The following ASB4 variants were observed in gnomAD, a reference collection of about 807,000 sequenced individuals.
ASB4 encodes the protein ankyrin repeat and SOCS box protein 4.
In ASB4, 35 loss-of-function variants were observed where a neutral mutation model predicts 38.6. The observed-to-expected ratio is 0.91, with a 90% CI of 0.69 to 1.20. The LOEUF (loss-of-function observed/expected upper bound fraction) is 1.20. ASB4 is among the 50% of genes most tolerant of loss of function. ASB4 has a pLI of 0.00. For synonymous variants in ASB4, 195 were observed against 201.3 expected, an observed-to-expected ratio of 0.97 and a Z score of 0.26; for missense variants, 557 against 527.2, an observed-to-expected ratio of 1.06 and a Z score of -0.55.
intron 2 of ASB4, among the ~76,000 whole-genome samples, chr7:95,515,301 C>CTTTCTTTA (rs1790560817): frequency 1.6e-5 from 2 of 122,262 alleles, no homozygotes; most frequent in African/African-American, 6.0e-5. Context: ...TTCTTTCTTT[C>CTTTCTTTA]TTTCTTTCTT....
At position 95,538,657 on chromosome 7, in the gene ASB4, A is replaced by T. The variant is rs1254536795; in HGVS notation, c.*898A>T. On this transcript the variant is annotated 3_prime_UTR_variant, in exon 5 of 5. Coordinates refer to ENST00000325885, the MANE Select transcript of ASB4 (RefSeq NM_016116.3). ...CTCCTGCTCTTGTTAGGGTATTTTTAAGGTTTTTTCTAGATAGTGTGTCTT... is the reference window on the plus strand; with the variant it reads ...CTCCTGCTCTTGTTAGGGTATTTTTTAGGTTTTTTCTAGATAGTGTGTCTT... 2.0e-5 allele frequency: 3 copies of T among 152,096 alleles called. No homozygotes were observed. The highest frequency in any genetic ancestry group is 7.2e-5 in the African/African-American group (3 of 41,416). 9.4% of individuals were successfully genotyped at this position (152,096 alleles called of 1,614,324 possible). A position where few individuals can be genotyped will look rare whatever the true frequency, so the allele number is the denominator to read the frequency against.
chr7:95,505,273 A>C (rs770222652), intron 2 of ASB4, among the ~76,000 whole-genome samples: 5 of 152,250 alleles, frequency 3.3e-5, no homozygotes, highest in Non-Finnish European at 7.3e-5. Flanking sequence ...TAGTGCATTT[A>C]AGATCAATAT....
At chr7:95,514,042 G>C (rs1261561323) in intron 2 of ASB4, among the ~76,000 whole-genome samples, 1 of 152,152 alleles carries the variant, frequency 6.6e-6, no homozygotes, top group African/African-American at 2.4e-5. Flanking sequence ...GCACTCACAT[G>C]ATCTCATCCT....
intron 2 of ASB4, among the ~76,000 whole-genome samples, chr7:95,500,810 C>G (rs554842859): frequency 6.6e-6 from 1 of 152,142 alleles, no homozygotes; most frequent in South Asian, 2.1e-4. Context: ...CTTTGGCACA[C>G]AAGGTTTTCC....
In ASB4 at chr7:95,495,738, C is replaced by CTTTTTT; in HGVS notation, c.188-9_188-4dup. ...GTCAAGAAGTTAAACTTTCCTTTTC[C>CTTTTTT]TTTTTTTTTTTTTTTTCAGGTTACT... On this transcript the variant is annotated intron_variant, in intron 1 of 4. Transcript: ENST00000325885. The CTTTTTT allele has an allele frequency of 2.1e-6, 3 of 1,441,816 alleles. No homozygotes were observed. The highest frequency in any genetic ancestry group is 1.3e-5 in the South Asian group (1 of 75,044). The allele number at this position is 1,441,816 out of a possible 1,614,324, so 89.3% of individuals were successfully genotyped here. A position where few individuals can be genotyped will look rare whatever the true frequency, so the allele number is the denominator to read the frequency against.
At chr7:95,476,146 T>C (rs1789974685), upstream of ASB4, among the ~76,000 whole-genome samples, 1 of 152,206 alleles carries the variant, frequency 6.6e-6, no homozygotes, top group Non-Finnish European at 1.5e-5. Flanking sequence ...TTCATTCGTC[T>C]ATAAGTTCTT....
At chr7:95,470,770 G>A in the ASB4 span, among the ~76,000 whole-genome samples, 12,282 of 152,094 alleles carry the variant, frequency 0.081, 911 homozygotes, top group East Asian at 0.36. Context: ...ACTTTTCAAG[G>A]CACTGTCCCA....
At chr7:95,550,629 T>C in the ASB4 span, among the ~76,000 whole-genome samples, 1 of 152,210 alleles carries the variant, frequency 6.6e-6, no homozygotes, top group Non-Finnish European at 1.5e-5. Context: ...AATGCAAATA[T>C]GTTCCCTCTG....
chr7:95,499,364 G>T (rs10248295), intron 2 of ASB4, among the ~76,000 whole-genome samples: 43,091 of 151,990 alleles, frequency 0.28, 6,312 homozygotes, highest in East Asian at 0.36. Flanking sequence ...ACCAGTAAAG[G>T]AGAGTAAGAT....
At chr7:95,541,555 G>C (rs887559929), downstream of ASB4, among the ~76,000 whole-genome samples, 2 of 152,174 alleles carry the variant, frequency 1.3e-5, no homozygotes, top group Non-Finnish European at 2.9e-5. Flanking sequence ...CCAGGTCCCT[G>C]ACCTTCCTGG....
upstream of ASB4, among the ~76,000 whole-genome samples, chr7:95,477,793 A>G (rs1321840265): frequency 6.6e-6 from 1 of 152,018 alleles, no homozygotes; most frequent in Non-Finnish European, 1.5e-5. Flanking sequence ...AGTTCTTTTA[A>G]AAAGCAAGAG....
upstream of ASB4, among the ~76,000 whole-genome samples, chr7:95,475,509 G>A (rs1392132897): frequency 4.6e-5 from 7 of 151,848 alleles, no homozygotes; most frequent in African/African-American, 9.7e-5. Context: ...TCAGCCTCCC[G>A]AGTAGCTGGG....
the ASB4 span, among the ~76,000 whole-genome samples, chr7:95,470,923 C>T: frequency 6.6e-6 from 1 of 152,106 alleles, no homozygotes. Context: ...CGGGTGGTTC[C>T]CTGTTTACAA....
chr7:95,549,814 T>C, the ASB4 span, among the ~76,000 whole-genome samples: 1 of 152,166 alleles, frequency 6.6e-6, no homozygotes, highest in Non-Finnish European at 1.5e-5. Context: ...GGAGCTTCCT[T>C]AGGGGCTTGT....
chr7:95,526,655 A>G (rs946877630), intron 2 of ASB4, among the ~76,000 whole-genome samples: 1 of 152,214 alleles, frequency 6.6e-6, no homozygotes, highest in African/African-American at 2.4e-5. Flanking sequence ...ACTGCAAAGG[A>G]TTACTTGGAA....
At chr7:95,545,532 T>C in the ASB4 span, among the ~76,000 whole-genome samples, 3 of 152,176 alleles carry the variant, frequency 2.0e-5, 1 homozygote, top group Non-Finnish European at 4.4e-5. Context: ...TCTTCCTCCC[T>C]GTTTTTCTTT....
At chr7:95,500,568 CAAAAAAAAAAAAAAAA>C (rs771099175) in intron 2 of ASB4, among the ~76,000 whole-genome samples, 1 of 41,000 alleles carries the variant, frequency 2.4e-5, no homozygotes, top group Non-Finnish European at 4.4e-5. Flanking sequence ...AGATCTGTCT[CAAAAAAAAAAAAAAAA>C]AAAAAAAAAA....
chr7:95,488,297 C>G (rs1790121345), intron 1 of ASB4, among the ~76,000 whole-genome samples: 1 of 152,060 alleles, frequency 6.6e-6, no homozygotes, highest in Admixed American at 6.6e-5. Context: ...GCCCAGATGG[C>G]GCCACTGCAC....
chr7:95,542,102 A>C (rs1382694988), downstream of ASB4: 8 of 152,056 alleles, frequency 5.3e-5, no homozygotes, highest in Non-Finnish European at 1.2e-4. Context: ...AAACCCAAAA[A>C]CTTTATTCGG....
Sources: allele counts gnomAD v4.1 joint callset (sites outside exome capture counted in the v4.1 genomes callset), GRCh38; gene constraint gnomAD v4.1.1; transcripts MANE v1.5; gene names NCBI Gene and HGNC (gene_info 2026-07-23, HGNC 2026-07-21).